SUPT3H: variants seen among roughly 807,000 people sequenced by gnomAD.
SUPT3H encodes the protein SPT3 homolog, SAGA and STAGA complex component.
In SUPT3H, 44 loss-of-function variants were observed where a neutral mutation model predicts 44.3. The ratio of observed to expected loss-of-function variants is 0.99; its 90% CI spans 0.78 to 1.28. SUPT3H has a LOEUF of 1.28. Ranked by LOEUF, SUPT3H falls within the 50% of genes most tolerant of loss-of-function variation. The pLI is 0.00. For synonymous variants in SUPT3H, 124 were observed against 125.6 expected (o/e 0.99, Z 0.09); for missense variants, 380 against 387.1 (o/e 0.98, Z 0.15).
intron 2 of SUPT3H, among the ~76,000 whole-genome samples, chr6:45,279,324 G>T (rs1777544814): frequency 6.6e-6 from 1 of 152,246 alleles, no homozygotes; most frequent in South Asian, 2.1e-4. Context: ...TTTAAGTAGA[G>T]GTTATGTGTA....
chr6:45,149,399 C>T (rs759425328), intron 2 of SUPT3H, among the ~76,000 whole-genome samples: 89 of 152,244 alleles, frequency 5.8e-4, no homozygotes, highest in Admixed American at 6.6e-4. Context: ...TCAGGTTCCA[C>T]TATGTACAGT....
chr6:45,321,163 A>AT (rs537832037), intron 2 of SUPT3H, among the ~76,000 whole-genome samples: 3 of 152,044 alleles, frequency 2.0e-5, no homozygotes, highest in Admixed American at 6.6e-5. Flanking sequence ...AAAACTAGCC[A>AT]TTTTTTTACT....
chr6:45,002,532 T>C (rs917121739), intron 6 of SUPT3H, among the ~76,000 whole-genome samples: 2 of 152,024 alleles, frequency 1.3e-5, no homozygotes, highest in Non-Finnish European at 2.9e-5. Context: ...GCATCATAAG[T>C]GAAACCATGC....
intron 3 of SUPT3H, among the ~76,000 whole-genome samples, chr6:45,090,875 C>T (rs1423651892): frequency 6.6e-6 from 1 of 151,738 alleles, no homozygotes; most frequent in Non-Finnish European, 1.5e-5. Context: ...CTTGTATTAT[C>T]ATCAAATCTT....
intron 2 of SUPT3H, among the ~76,000 whole-genome samples, chr6:45,179,621 CA>C (rs1235721952): frequency 6.6e-6 from 1 of 152,126 alleles, no homozygotes; most frequent in Non-Finnish European, 1.5e-5. Flanking sequence ...GAACCAAAGA[CA>C]AAAACCACAT....
At chr6:44,992,456 C>T (rs1476232323) in intron 6 of SUPT3H, among the ~76,000 whole-genome samples, 1 of 152,092 alleles carries the variant, frequency 6.6e-6, no homozygotes. Context: ...TGTTTTACTT[C>T]CCTTGATGTA....
chr6:44,902,682 A>G (rs1464254713), intron 10 of SUPT3H, among the ~76,000 whole-genome samples: 1 of 152,172 alleles, frequency 6.6e-6, no homozygotes, highest in African/African-American at 2.4e-5. Context: ...AAGCTGACCT[A>G]AAAGACATCT....
chr6:45,235,643 G>A (rs1768954188), intron 2 of SUPT3H, among the ~76,000 whole-genome samples: 1 of 152,126 alleles, frequency 6.6e-6, no homozygotes, highest in African/African-American at 2.4e-5. Context: ...TGGTGAGAAG[G>A]TGGAAAATTG....
At chr6:45,118,208 T>A (rs1455064362) in intron 2 of SUPT3H, among the ~76,000 whole-genome samples, 2 of 152,100 alleles carry the variant, frequency 1.3e-5, no homozygotes, top group African/African-American at 4.8e-5. Flanking sequence ...GATCAGTATG[T>A]ACTTGTAGAA....
chr6:44,867,387 C>T (rs747435884), intron 10 of SUPT3H, among the ~76,000 whole-genome samples: 13 of 151,968 alleles, frequency 8.6e-5, no homozygotes, highest in African/African-American at 2.2e-4. Context: ...GTGATCCTCC[C>T]GCCTCGGCCT....
chr6:45,284,703 C>T (rs1373794721), intron 2 of SUPT3H, among the ~76,000 whole-genome samples: 4 of 152,092 alleles, frequency 2.6e-5, no homozygotes, highest in Non-Finnish European at 5.9e-5. Context: ...GAAACTATTC[C>T]AATCAACAGA....
rs1266770459 is a variant in SUPT3H, at chr6:45,105,817, A to C, written c.186+105T>G. On this transcript the variant is annotated intron_variant, in intron 3 of 10. Coordinates refer to ENST00000371459, the MANE Select transcript of SUPT3H (RefSeq NM_003599.4). ...AAAGTATACTTCAATAATGCTAACA[A>C]AAAAGAATTCCAGCTGTAAATAAAA... 3 of 896,480 alleles carry C rather than the reference A, an allele frequency of 3.3e-6. No individual in the cohort carries two copies. The African/African-American group carries it at 5.1e-5, about 15-fold the overall frequency. 55.5% of individuals were successfully genotyped at this position (896,480 alleles called of 1,614,324 possible). A position where few individuals can be genotyped will look rare whatever the true frequency, so the allele number is the denominator to read the frequency against.
At chr6:44,979,383 T>C (rs867316164) in intron 6 of SUPT3H, among the ~76,000 whole-genome samples, 1 of 152,232 alleles carries the variant, frequency 6.6e-6, no homozygotes, top group Non-Finnish European at 1.5e-5. Flanking sequence ...TTCTTCAAAT[T>C]AGTATGAGTC....
intron 2 of SUPT3H, among the ~76,000 whole-genome samples, chr6:45,132,376 A>G (rs1458127150): frequency 1.3e-5 from 2 of 152,154 alleles, no homozygotes; most frequent in East Asian, 3.9e-4. Flanking sequence ...ATTTGCTACA[A>G]AAGATTACTT....
At position 45,107,328 on chromosome 6, in the gene SUPT3H, T is replaced by C. The variant is rs79764771; in HGVS notation, c.102-1322A>G. Among the ~76,000 whole-genome samples the C allele has an allele frequency of 0.011, 1,682 of 152,206 alleles. 100 individuals carry two copies. In the East Asian group the frequency reaches 0.13, roughly 12 times the overall value. ...TAACCTACAGTCTATACCGAACTAG[T>C]AGAGAATTCAAGGTATAGAAAAGAA... On this transcript the variant is annotated intron_variant, in intron 2 of 10. Coordinates refer to ENST00000371459, the MANE Select transcript of SUPT3H (RefSeq NM_003599.4).
intron 2 of SUPT3H, among the ~76,000 whole-genome samples, chr6:45,284,516 CACAT>C (rs776182629): frequency 5.9e-5 from 9 of 152,170 alleles, no homozygotes; most frequent in African/African-American, 9.7e-5. Context: ...AATTCCTTAA[CACAT>C]ACACCCTCCC....
intron 10 of SUPT3H, among the ~76,000 whole-genome samples, chr6:44,891,953 A>G (rs2153442243): frequency 6.6e-6 from 1 of 152,146 alleles, no homozygotes; most frequent in South Asian, 2.1e-4. Flanking sequence ...TCCTAATAAA[A>G]TCTTGGGGAA....
intron 10 of SUPT3H, among the ~76,000 whole-genome samples, chr6:44,912,177 GCAT>G (rs1381814032): frequency 3.3e-5 from 5 of 152,234 alleles, no homozygotes; most frequent in African/African-American, 7.2e-5. Flanking sequence ...TATTGTACAA[GCAT>G]CATCATCTAC....
intron 11 of SUPT3H, among the ~76,000 whole-genome samples, chr6:44,814,341 G>A (rs1766753721): frequency 6.6e-6 from 1 of 152,098 alleles, no homozygotes; most frequent in South Asian, 2.1e-4. Flanking sequence ...AACCCTAAAG[G>A]CCAGGCAGTG....
Sources: allele counts gnomAD v4.1 joint callset (sites outside exome capture counted in the v4.1 genomes callset), GRCh38; gene constraint gnomAD v4.1.1; transcripts MANE v1.5; gene names NCBI Gene and HGNC (gene_info 2026-07-23, HGNC 2026-07-21).